The following TARS3 variants were observed in gnomAD, a reference collection of about 807,000 sequenced individuals.
The protein encoded by TARS3 is threonine--tRNA ligase 2, cytoplasmic.
TARS3 carries 94 observed loss-of-function variants against 103.5 expected under a neutral mutation model. The ratio of observed to expected loss-of-function variants is 0.91; its 90% confidence interval spans 0.77 to 1.08. TARS3 has a LOEUF of 1.08. Ranked by LOEUF, TARS3 falls within the 50% of genes least tolerant of loss-of-function variation. The probability of loss-of-function intolerance (pLI) is 0.00; values close to 1 mark genes in which losing one functional copy is unlikely to be tolerated. For synonymous variants in TARS3, 416 were observed against 355.4 expected, an observed-to-expected ratio of 1.17 and a Z score of -1.92; for missense variants, 952 against 995.2, an observed-to-expected ratio of 0.96 and a Z score of 0.58.
intron 3 of TARS3, among the ~76,000 whole-genome samples, chr15:101,717,388 T>A (rs1900208555): frequency 6.6e-6 from 1 of 152,206 alleles, no homozygotes. Flanking sequence ...ACTTAATAAA[T>A]GTTAGATGTT....
intron 18 of TARS3, chr15:101,655,829 G>C: frequency 8.0e-7 from 1 of 1,247,022 alleles, no homozygotes; most frequent in East Asian, 5.6e-5. Context: ...TGAGAGCGGG[G>C]AGCTCTTACA....
At chr15:101,707,484 G>A (rs945414893) in intron 6 of TARS3, among the ~76,000 whole-genome samples, 8 of 152,274 alleles carry the variant, frequency 5.3e-5, no homozygotes, top group South Asian at 4.1e-4. Context: ...TGGTCTATCC[G>A]TACAATGGAA....
At chr15:101,661,152 A>AAGATGCACCACTCAAAAAGGACCACC (rs1897361747) in intron 16 of TARS3, among the ~76,000 whole-genome samples, 2 of 152,152 alleles carry the variant, frequency 1.3e-5, no homozygotes, top group African/African-American at 2.4e-5. Flanking sequence ...AAAAGACCAC[A>AAGATGCACCACTCAAAAAGGACCACC]AGATGCACCA....
chr15:101,690,155 G>C (rs574881098), intron 10 of TARS3, among the ~76,000 whole-genome samples: 41 of 152,292 alleles, frequency 2.7e-4, no homozygotes, highest in African/African-American at 9.4e-4. Flanking sequence ...AGAGGCACAG[G>C]GGGTGAGCCA....
At chr15:101,700,914 T>C (rs1389154359) in intron 10 of TARS3, among the ~76,000 whole-genome samples, 172 bp downstream of exon 10, 1 of 152,186 alleles carries the variant, frequency 6.6e-6, no homozygotes, top group East Asian at 1.9e-4. Context: ...AGTGCTGGGA[T>C]TATAGGTGTG....
chr15:101,661,825 T>G lies in TARS3; in HGVS notation c.1968-9A>C, dbSNP rs375949477. On this transcript the variant is annotated splice_polypyrimidine_tract_variant and intron_variant, in intron 15 of 18. Transcript: ENST00000335968. The stretch of plus-strand genomic sequence containing the variant: ...TATCATCCCCATCCTTACTAAAAAA[T>G]GAAAATTATACATTTAAGTCTTTTC... 2.2e-5 allele frequency: 34 copies of G among 1,521,810 alleles called. No homozygotes were observed. The African/African-American group carries it at 4.3e-4, about 19-fold the overall frequency. 94.3% of individuals were successfully genotyped at this position (1,521,810 alleles called of 1,614,324 possible).
intron 13 of TARS3, 133 bp from the exon 14 acceptor site, chr15:101,671,881 A>G: frequency 1.4e-6 from 1 of 737,980 alleles, no homozygotes; most frequent in Non-Finnish European, 2.2e-6. Context: ...CATCTTTTAC[A>G]TTCAATAAAC....
chr15:101,704,770 G>GT (rs1309253871), intron 7 of TARS3, among the ~76,000 whole-genome samples: 2 of 151,424 alleles, frequency 1.3e-5, no homozygotes, highest in African/African-American at 4.9e-5. Context: ...CAATGTTGAC[G>GT]TAAGTAAGGT....
chr15:101,686,498 A>G (rs1006255130), intron 10 of TARS3, among the ~76,000 whole-genome samples: 9 of 152,188 alleles, frequency 5.9e-5, no homozygotes, highest in Non-Finnish European at 1.0e-4. Context: ...ATTTTAGTGT[A>G]TAACGATTTA....
intron 3 of TARS3, among the ~76,000 whole-genome samples, chr15:101,720,001 G>A: frequency 6.6e-6 from 1 of 152,200 alleles, no homozygotes; most frequent in Non-Finnish European, 1.5e-5. Flanking sequence ...ACTACACTTT[G>A]AGAAATACTG....
intron 2 of TARS3, 49 bp from the exon 3 acceptor site, chr15:101,721,371 T>C (rs899827530): frequency 1.4e-6 from 2 of 1,453,486 alleles, no homozygotes; most frequent in Admixed American, 3.5e-5. Flanking sequence ...GCCTACTGTT[T>C]TCCAGCTGCT....
intron 10 of TARS3, chr15:101,699,373 T>C (rs1224528122): frequency 2.2e-6 from 1 of 455,960 alleles, no homozygotes; most frequent in East Asian, 6.9e-5. Context: ...TAAGTGCCTT[T>C]ACAGTTTGGT....
chr15:101,677,501 C>CT (rs36095342), intron 12 of TARS3, among the ~76,000 whole-genome samples: 99,691 of 143,256 alleles, frequency 0.7, 35,276 homozygotes, highest in Non-Finnish European at 0.74. Context: ...AGTTCTCCAG[C>CT]TTTTTTTTTT....
At chr15:101,712,037 A>C (rs762767716) in intron 4 of TARS3, 36 bp from the exon 5 acceptor site, 14 of 1,580,152 alleles carry the variant, frequency 8.9e-6, no homozygotes, top group Non-Finnish European at 1.2e-5. Flanking sequence ...TTAGCTACCA[A>C]AAGTATGTCA....
rs1359790017 is a variant in TARS3, at chr15:101,721,260, GTCTT to G, written c.428_431del (p.Lys143ThrfsTer21). The G allele has an allele frequency of 6.2e-7, 1 of 1,613,708 alleles. No homozygotes were observed. Among genetic ancestry groups the G allele is most frequent in the Non-Finnish European group, 8.5e-7 (1 of 1,179,762 alleles). On this transcript the variant is annotated frameshift_variant, in exon 3 of 19. Coordinates refer to ENST00000335968, the MANE Select transcript of TARS3 (RefSeq NM_152334.3). LOFTEE classifies it high-confidence loss of function. ...CATAAATGGCAAGTAAGAGCTGATG[GTCTT>G]TCTTCAGTATTTCAAAAAGCTTCAA...
intron 10 of TARS3, among the ~76,000 whole-genome samples, chr15:101,688,852 C>T (rs1031278176): frequency 6.6e-6 from 1 of 152,168 alleles, no homozygotes; most frequent in African/African-American, 2.4e-5. Context: ...TTCTAGGCTT[C>T]GCATTACTAA....
At chr15:101,662,279 A>T (rs1897411654) in intron 15 of TARS3, among the ~76,000 whole-genome samples, 1 of 152,180 alleles carries the variant, frequency 6.6e-6, no homozygotes, top group South Asian at 2.1e-4. Context: ...AGGAAAAAAA[A>T]ATGAAAAAAG....
At chr15:101,680,196 C>T (rs1898203887) in intron 12 of TARS3, among the ~76,000 whole-genome samples, 1 of 152,184 alleles carries the variant, frequency 6.6e-6, no homozygotes, top group Non-Finnish European at 1.5e-5. Flanking sequence ...TTATTTAGAG[C>T]CTGCTGAGAG....
intron 15 of TARS3, among the ~76,000 whole-genome samples, chr15:101,668,347 G>C (rs1897661675): frequency 6.6e-6 from 1 of 152,186 alleles, no homozygotes; most frequent in African/African-American, 2.4e-5. Flanking sequence ...AGGCTGAGGA[G>C]AGGGAGAGAG....
Sources: gnomAD v4.1 joint callset for allele counts (sites outside exome capture counted in the v4.1 genomes callset) on GRCh38, gnomAD v4.1.1 for gene constraint, MANE v1.5 for transcripts, NCBI Gene and HGNC (gene_info 2026-07-23, HGNC 2026-07-21) for gene names.